MACROD1: variants seen among roughly 807,000 people sequenced by gnomAD.
The protein encoded by MACROD1 is mono-ADP ribosylhydrolase 1.
In MACROD1, 31 loss-of-function variants were observed where a neutral mutation model predicts 41.4. The ratio of observed to expected loss-of-function variants is 0.75; its 90% confidence interval spans 0.56 to 1.01. The LOEUF (loss-of-function observed/expected upper bound fraction) is 1.01. Ranked by LOEUF, MACROD1 falls within the 50% of genes least tolerant of loss-of-function variation. MACROD1 has a pLI of 0.00. For synonymous variants in MACROD1, 252 were observed against 203.4 expected (o/e 1.24, Z -2.03); for missense variants, 473 against 460.0 (o/e 1.03, Z -0.26).
intron 3 of MACROD1, among the ~76,000 whole-genome samples, chr11:64,079,298 A>T (rs574438602): frequency 6.6e-6 from 1 of 151,842 alleles, no homozygotes; most frequent in East Asian, 2.0e-4. Flanking sequence ...GGCGCTGCAG[A>T]TGCCTCTGGG....
At chr11:64,015,922 G>A (rs1353866887) in intron 3 of MACROD1, among the ~76,000 whole-genome samples, 1 of 152,190 alleles carries the variant, frequency 6.6e-6, no homozygotes, top group Admixed American at 6.5e-5. Context: ...TCAACAGCGG[G>A]GTGACTGGGG....
chr11:64,150,485 C>T (rs1407488732), intron 3 of MACROD1, among the ~76,000 whole-genome samples: 1 of 152,224 alleles, frequency 6.6e-6, no homozygotes, highest in Non-Finnish European at 1.5e-5. Context: ...TCCTCCAATG[C>T]TTGGTGCAGA....
intron 1 of MACROD1, among the ~76,000 whole-genome samples, chr11:64,154,574 G>A (rs567298865): frequency 2.0e-5 from 3 of 152,074 alleles, no homozygotes; most frequent in Non-Finnish European, 2.9e-5. Context: ...TTCAAACGCC[G>A]GTCCTCTGGC....
chr11:64,019,897 G>A (rs1296167400), intron 3 of MACROD1, among the ~76,000 whole-genome samples: 2 of 152,018 alleles, frequency 1.3e-5, no homozygotes, highest in Non-Finnish European at 2.9e-5. Flanking sequence ...ATGGAGGGAG[G>A]GGCACGGGGA....
intron 3 of MACROD1, among the ~76,000 whole-genome samples, chr11:64,062,156 G>A (rs1294313921): frequency 2.0e-5 from 3 of 152,064 alleles, no homozygotes; most frequent in Admixed American, 6.6e-5. Context: ...TCCCCAGACA[G>A]GGATTCCTCT....
intron 3 of MACROD1, among the ~76,000 whole-genome samples, chr11:64,092,968 T>C (rs1429314528): frequency 6.6e-6 from 1 of 152,208 alleles, no homozygotes; most frequent in East Asian, 1.9e-4. Flanking sequence ...CAGAGGGAGT[T>C]CGGCTTGCAG....
chr11:64,086,618 G>A lies in MACROD1; in HGVS notation c.517+64621C>T, dbSNP rs532672697. Among the ~76,000 whole-genome samples the A allele has an allele frequency of 2.2e-3, 330 of 152,234 alleles. 1 individual carries two copies. The highest frequency in any genetic ancestry group is 5.9e-3 in the African/African-American group (244 of 41,540). On this transcript the variant is annotated intron_variant, in intron 3 of 10. Transcript: ENST00000255681. ...TTCTGCGACTGGGGTGCTTTTTCCG[G>A]CCCCTGCAGCCCCACTTCTGTCTGA...
intron 3 of MACROD1, among the ~76,000 whole-genome samples, chr11:64,053,866 G>A (rs1452682409): frequency 6.6e-6 from 1 of 152,164 alleles, no homozygotes; most frequent in Admixed American, 6.5e-5. Context: ...TAGGGGCAGG[G>A]CTAAGATGCA....
chr11:64,013,744 C>T (rs1482131855), intron 4 of MACROD1, among the ~76,000 whole-genome samples: 1 of 152,188 alleles, frequency 6.6e-6, no homozygotes, highest in African/African-American at 2.4e-5. Flanking sequence ...GGGCCATCTC[C>T]CATCTCCCCA....
intron 3 of MACROD1, among the ~76,000 whole-genome samples, chr11:64,080,908 C>G (rs1944291191): frequency 6.6e-6 from 1 of 152,160 alleles, no homozygotes; most frequent in South Asian, 2.1e-4. Context: ...TGCAGGCAGA[C>G]CTTGAGAGAA....
intron 3 of MACROD1, among the ~76,000 whole-genome samples, chr11:64,093,033 G>A (rs34098043): frequency 0.1 from 15,159 of 152,206 alleles, 881 homozygotes; most frequent in Non-Finnish European, 0.13. Context: ...GTGGCCTTGA[G>A]GACCCGGAGT....
intron 3 of MACROD1, among the ~76,000 whole-genome samples, chr11:64,025,884 T>A (rs1213420198): frequency 1.3e-5 from 2 of 151,966 alleles, no homozygotes; most frequent in Admixed American, 1.3e-4. Context: ...CACATCCGGC[T>A]AATTTTAAAA....
At chr11:63,998,896 G>A (rs533483326) in intron 9 of MACROD1, 24 bp from the exon 10 acceptor site, 62 of 1,594,472 alleles carry the variant, frequency 3.9e-5, no homozygotes, top group Non-Finnish European at 5.0e-5. Flanking sequence ...GACAGTGAGA[G>A]CCCGCCCCCA....
chr11:64,086,890 G>T (rs372869628), intron 3 of MACROD1: 1 of 152,192 alleles, frequency 6.6e-6, no homozygotes, highest in Non-Finnish European at 1.5e-5. Flanking sequence ...CAGGCAGCCC[G>T]CTAGCCCTTC....
At chr11:64,069,323 G>A (rs1046945653) in intron 3 of MACROD1, among the ~76,000 whole-genome samples, 20 of 152,204 alleles carry the variant, frequency 1.3e-4, no homozygotes, top group Non-Finnish European at 2.8e-4. Context: ...GCTGTCAGCC[G>A]AAGAGCCTGG....
At chr11:64,010,516 TGTTG>T (rs906433253) in intron 4 of MACROD1, among the ~76,000 whole-genome samples, 6 of 147,588 alleles carry the variant, frequency 4.1e-5, no homozygotes, top group Non-Finnish European at 6.0e-5. Flanking sequence ...TTGGTTGGTG[TGTTG>T]GTTGGGGCGT....
At chr11:64,162,213 G>T (rs142882391) in intron 1 of MACROD1, among the ~76,000 whole-genome samples, 1 of 152,104 alleles carries the variant, frequency 6.6e-6, no homozygotes. Flanking sequence ...GCGTGGTGGC[G>T]TATGCCTGTA....
chr11:64,106,260 G>C (rs1944762046), intron 3 of MACROD1, among the ~76,000 whole-genome samples: 1 of 152,068 alleles, frequency 6.6e-6, no homozygotes, highest in Non-Finnish European at 1.5e-5. Flanking sequence ...TTGCCTCTTT[G>C]GGCTGCTGTG....
intron 3 of MACROD1, among the ~76,000 whole-genome samples, chr11:64,112,112 T>G (rs1366334053): frequency 6.6e-6 from 1 of 152,220 alleles, no homozygotes; most frequent in East Asian, 1.9e-4. Context: ...CCATCACAGT[T>G]TCTCCTTTGA....
Sources: gnomAD v4.1 joint callset for allele counts (sites outside exome capture counted in the v4.1 genomes callset) on GRCh38, gnomAD v4.1.1 for gene constraint, MANE v1.5 for transcripts, NCBI Gene and HGNC (gene_info 2026-07-23, HGNC 2026-07-21) for gene names.